PCDHGA5: variants seen among roughly 807,000 people sequenced by gnomAD.
PCDHGA5 encodes the protein protocadherin gamma subfamily A, 5.
In PCDHGA5, 36 loss-of-function variants were observed where a neutral mutation model predicts 56.7. The observed-to-expected ratio is 0.64, with a 90% CI of 0.49 to 0.84. The LOEUF is 0.84. Ranked by LOEUF, PCDHGA5 falls within the 40% of genes least tolerant of loss-of-function variation. The pLI, the probability that PCDHGA5 is intolerant of heterozygous loss-of-function variation, is 0.00. For missense variants in PCDHGA5, 1,305 were observed against 1,201.5 expected (o/e 1.09, Z -1.27); for synonymous variants, 563 against 520.2 (o/e 1.08, Z -1.12).
chr5:141,437,116 GA>G (rs914218907), intron 1 of PCDHGA5, among the ~76,000 whole-genome samples: 4 of 152,150 alleles, frequency 2.6e-5, no homozygotes, highest in African/African-American at 9.7e-5. Flanking sequence ...GGATTTTTAG[GA>G]CACTTGTTGA....
At chr5:141,370,333 C>T in intron 1 of PCDHGA5, 1 of 1,435,660 alleles carries the variant, frequency 7.0e-7, no homozygotes, top group Non-Finnish European at 9.4e-7. Flanking sequence ...TCGGAGAACT[C>T]TTGGGATTAT....
chr5:141,501,442 T>C (rs1202229661), intron 2 of PCDHGA5, among the ~76,000 whole-genome samples: 1 of 152,016 alleles, frequency 6.6e-6, no homozygotes, highest in African/African-American at 2.4e-5. Context: ...ATTTCTTCCA[T>C]TTTTACTTTT....
rs182282975 is a variant in PCDHGA5 at position 141,420,903 on chromosome 5, A to G, written c.2421+54152A>G. The G allele has an allele frequency of 1.7e-5, 5 of 296,804 alleles. No individual in the cohort carries two copies. In the Admixed American group the frequency reaches 1.8e-4, roughly 11 times the overall value. The allele number at this position is 296,804 out of a possible 1,614,324, so 18.4% of individuals were successfully genotyped here. On this transcript the variant is annotated intron_variant, in intron 1 of 3. Transcript: ENST00000518069. ...TGTATCATCGTTTTTAAGCTCTACA[A>G]ATACGTGTGATTCACAAAGGTGAGC...
intron 1 of PCDHGA5, chr5:141,372,569 C>T (rs1768882362): frequency 1.9e-6 from 3 of 1,614,034 alleles, no homozygotes; most frequent in African/African-American, 2.7e-5. Context: ...CCACTGAGGG[C>T]TACTTTCAGC....
At chr5:141,381,826 CTTTTTTTTTT>C (rs770630741) in intron 1 of PCDHGA5, among the ~76,000 whole-genome samples, 5 of 74,284 alleles carry the variant, frequency 6.7e-5, no homozygotes, top group South Asian at 5.1e-4. Context: ...CTTTCTTCTT[CTTTTTTTTTT>C]TTTTTTTTTT....
chr5:141,460,388 G>T (rs1425099375), intron 1 of PCDHGA5, among the ~76,000 whole-genome samples: 1 of 151,774 alleles, frequency 6.6e-6, no homozygotes, highest in East Asian at 1.9e-4. Context: ...TTATAATTTG[G>T]TCTATGAATC....
At chr5:141,386,808 A>C (rs1477071186) in intron 1 of PCDHGA5, among the ~76,000 whole-genome samples, 1 of 152,258 alleles carries the variant, frequency 6.6e-6, no homozygotes, top group Non-Finnish European at 1.5e-5. Flanking sequence ...TATTAGATGC[A>C]TAAAATTGTT....
rs1472436870 is a variant in PCDHGA5, at chr5:141,365,479, A to G, written c.1149A>G (p.Ala383=). Residue 383 remains alanine (A), a synonymous_variant, in exon 1 of 4, where the codon GCA becomes GCG. Transcript: ENST00000518069. ...ATTCTGGAGAAAATGGTGAGATTGCATGCTCTATTCCTAGGAATTTGCCTT... is the reference window on the plus strand; with the variant it reads ...ATTCTGGAGAAAATGGTGAGATTGCGTGCTCTATTCCTAGGAATTTGCCTT... The part of the protein sequence containing the change: ...DGDSGENGEI[A]CSIPRNLPFK... 5 of 1,613,906 alleles carry G rather than the reference A, an allele frequency of 3.1e-6. No individual in the cohort carries two copies. The East Asian group carries it at 8.9e-5, about 29-fold the overall frequency.
intron 1 of PCDHGA5, chr5:141,374,363 G>A: frequency 6.2e-7 from 1 of 1,614,034 alleles, no homozygotes; most frequent in Non-Finnish European, 8.5e-7. Context: ...AGACCGCGAG[G>A]AGCTCTGTGC....
At position 141,432,273 on chromosome 5, in the gene PCDHGA5, T is replaced by G. The variant is rs199937628; in HGVS notation, c.2422-62534T>G. 6.8e-6 allele frequency: 11 copies of G among 1,614,238 alleles called. No individual in the cohort carries two copies. In the Admixed American group the frequency reaches 1.7e-4, roughly 24 times the overall value. ...CAAGGGGCAAGCCTATCGTCCTACG[T>G]GTCCATCAACTCCGACACTGGGGTA... On this transcript the variant is annotated intron_variant, in intron 1 of 3. Coordinates refer to ENST00000518069, the MANE Select transcript of PCDHGA5 (RefSeq NM_018918.3). This position sits in a 1 kb window ranked among gnomAD's most constrained non-coding sequence, Gnocchi z 6.0.
chr5:141,414,950 T>C (rs1017858929), intron 1 of PCDHGA5: 2 of 1,613,912 alleles, frequency 1.2e-6, no homozygotes, highest in African/African-American at 2.7e-5. Context: ...GGCTACCTGG[T>C]GACCAAGGTG....
In PCDHGA5 at chr5:141,486,005, A is replaced by G. The variant is rs1057476811; in HGVS notation, c.2422-8802A>G. On this transcript the variant is annotated intron_variant, in intron 1 of 3. Transcript: ENST00000518069. This position sits in a 1 kb window ranked among gnomAD's most constrained non-coding sequence, Gnocchi z 5.0. Reference sequence around the variant, plus strand: ...GGACCTGGGTCCCAGTGGTAACGTCACCTTTTATTTCAGTGGTCATACCCC... The same window carrying G: ...GGACCTGGGTCCCAGTGGTAACGTCGCCTTTTATTTCAGTGGTCATACCCC... 1.9e-6 allele frequency: 3 copies of G among 1,613,936 alleles called. No homozygotes were observed. The Admixed American group carries it at 5.0e-5, about 27-fold the overall frequency.
At chr5:141,430,991 A>T (rs2097333608) in intron 1 of PCDHGA5, 1 of 1,613,980 alleles carries the variant, frequency 6.2e-7, no homozygotes, top group African/African-American at 1.3e-5. Context: ...TTTCGCCCTG[A>T]ATCCGCGCAG....
intron 1 of PCDHGA5, chr5:141,393,118 G>A: frequency 3.7e-6 from 6 of 1,613,472 alleles, no homozygotes; most frequent in Non-Finnish European, 5.1e-6. Flanking sequence ...AGCCCGCGGT[G>A]TCTGATAAAT....
intron 1 of PCDHGA5, among the ~76,000 whole-genome samples, chr5:141,455,290 T>C (rs551962783): frequency 5.3e-5 from 8 of 152,206 alleles, no homozygotes; most frequent in East Asian, 1.9e-4. Flanking sequence ...TCACTTTACA[T>C]AGTTTCATCT....
chr5:141,460,289 T>C, intron 1 of PCDHGA5, among the ~76,000 whole-genome samples: 1 of 152,148 alleles, frequency 6.6e-6, no homozygotes, highest in East Asian at 1.9e-4. Context: ...TTTGTATTTC[T>C]TATGTCCTAT....
intron 1 of PCDHGA5, chr5:141,420,969 A>G (rs2096536141): frequency 2.3e-6 from 1 of 443,064 alleles, no homozygotes; most frequent in Admixed American, 4.0e-5. Flanking sequence ...TTGCAATAAT[A>G]AGAATGGGCT....
At chr5:141,394,992 G>T (rs1392246245) in intron 1 of PCDHGA5, 50 of 1,614,044 alleles carry the variant, frequency 3.1e-5, no homozygotes, top group Non-Finnish European at 4.2e-5. Context: ...CCTGCTCCAG[G>T]ATTCCGGTGG....
chr5:141,448,974 C>T (rs937711828), intron 1 of PCDHGA5, among the ~76,000 whole-genome samples: 5 of 151,994 alleles, frequency 3.3e-5, no homozygotes, highest in African/African-American at 1.2e-4. Context: ...CAAAAAAGAA[C>T]TTCCATATTA....
Sources: gnomAD v4.1 joint callset for allele counts (sites outside exome capture counted in the v4.1 genomes callset) on GRCh38, gnomAD v4.1.1 for gene constraint, Gnocchi (gnomAD v3.1) non-coding constraint, MANE v1.5 for transcripts, NCBI Gene and HGNC (gene_info 2026-07-23, HGNC 2026-07-21) for gene names.